ACSM3: variants seen among roughly 807,000 people sequenced by gnomAD.
The protein encoded by ACSM3 is acyl-CoA synthetase medium chain family member 3.
A neutral mutation model predicts 74.1 loss-of-function variants in ACSM3; 61 were observed. The observed-to-expected ratio is 0.82, with a 90% CI of 0.67 to 1.02. The LOEUF (loss-of-function observed/expected upper bound fraction) is 1.02, where lower values mean the gene tolerates loss of function less well. Among genes scored for constraint, ACSM3 ranks in the 50% least tolerant of loss-of-function variants. ACSM3 has a pLI of 0.00. For synonymous variants in ACSM3, 213 were observed against 241.5 expected (o/e 0.88, Z 1.09); for missense variants, 660 against 697.0 (o/e 0.95, Z 0.60).
intron 1 of ACSM3, among the ~76,000 whole-genome samples, chr16:20,747,847 A>G (rs1176218065): frequency 6.6e-6 from 1 of 152,232 alleles, no homozygotes; most frequent in Non-Finnish European, 1.5e-5. Flanking sequence ...TATAGTGTAC[A>G]TGTAAGAGTC....
At chr16:20,693,225 T>C (rs2152342015) in intron 1 of ACSM3, among the ~76,000 whole-genome samples, 1 of 152,172 alleles carries the variant, frequency 6.6e-6, no homozygotes, top group South Asian at 2.1e-4. Flanking sequence ...CACTGCACTT[T>C]CCAATGGACT....
chr16:20,737,048 G>A (rs373748550), intron 1 of ACSM3: 3 of 1,614,106 alleles, frequency 1.9e-6, no homozygotes, highest in Non-Finnish European at 2.5e-6. Context: ...CTGCTGTGTT[G>A]TTTTGGTCTG....
intron 12 of ACSM3, among the ~76,000 whole-genome samples, chr16:20,794,559 ACT>A (rs2080678466): frequency 6.6e-6 from 1 of 152,226 alleles, no homozygotes; most frequent in Non-Finnish European, 1.5e-5. Flanking sequence ...ACAGCCATAG[ACT>A]TTTCTCAGAA....
intron 1 of ACSM3, among the ~76,000 whole-genome samples, chr16:20,722,860 AGT>A (rs71377678): frequency 0.012 from 1,871 of 152,334 alleles, 18 homozygotes; most frequent in South Asian, 0.022. Flanking sequence ...TACAGTCATT[AGT>A]GACAAGTAAT....
At chr16:20,684,752 AAGAG>A (rs1943268669) in intron 1 of ACSM3, among the ~76,000 whole-genome samples, 1 of 152,204 alleles carries the variant, frequency 6.6e-6, no homozygotes, top group Admixed American at 6.5e-5. Context: ...AAGGGAGAGA[AAGAG>A]AGAGGGAGAG....
intron 1 of ACSM3, among the ~76,000 whole-genome samples, chr16:20,765,103 G>T (rs1438366995): frequency 6.6e-6 from 1 of 152,214 alleles, no homozygotes; most frequent in Non-Finnish European, 1.5e-5. Context: ...CAAAGAGCTT[G>T]CATTTCAGAT....
chr16:20,757,507 G>T (rs1274808786), intron 3 of ACSM3, among the ~76,000 whole-genome samples: 1 of 151,484 alleles, frequency 6.6e-6, no homozygotes, highest in Non-Finnish European at 1.5e-5. Context: ...CTTTGCTGAA[G>T]TTGCTTATCA....
At chr16:20,689,020 AT>A (rs2079605273) in intron 1 of ACSM3, among the ~76,000 whole-genome samples, 1 of 148,958 alleles carries the variant, frequency 6.7e-6, no homozygotes, top group African/African-American at 2.4e-5. Flanking sequence ...ATATGTTAAC[AT>A]ATATTTACAA....
intron 2 of ACSM3, among the ~76,000 whole-genome samples, chr16:20,774,109 G>T (rs1447367321): frequency 6.6e-6 from 1 of 152,004 alleles, no homozygotes; most frequent in Non-Finnish European, 1.5e-5. Flanking sequence ...ATTATATAAT[G>T]ACCTTCTTTG....
intron 1 of ACSM3, chr16:20,735,239 C>T (rs921707295): frequency 1.3e-5 from 2 of 152,186 alleles, no homozygotes; most frequent in African/African-American, 4.8e-5. Flanking sequence ...CAAAAGCTGG[C>T]TGTTTTATTG....
chr16:20,741,541 C>G, intron 1 of ACSM3: 1 of 1,347,384 alleles, frequency 7.4e-7, no homozygotes, highest in Non-Finnish European at 9.8e-7. Flanking sequence ...TCGCCGTATT[C>G]GTTGAGGAGG....
chr16:20,731,471 T>G, intron 1 of ACSM3: 1 of 200,998 alleles, frequency 5.0e-6, no homozygotes, highest in South Asian at 1.9e-4. Context: ...CACTTTGTAA[T>G]TGTATCCAAG....
intron 1 of ACSM3, among the ~76,000 whole-genome samples, chr16:20,717,769 T>C (rs983955769): frequency 1.3e-5 from 2 of 151,704 alleles, no homozygotes; most frequent in African/African-American, 4.8e-5. Context: ...TTGAAAGTTA[T>C]CTTGGCTATT....
intron 1 of ACSM3, chr16:20,719,080 A>G (rs1199705694): frequency 6.5e-6 from 1 of 153,108 alleles, no homozygotes; most frequent in Non-Finnish European, 1.5e-5. Flanking sequence ...GTAGAGGTAG[A>G]ATCTGTCAAC....
At chr16:20,739,099 A>G (rs764632135) in intron 1 of ACSM3, 2 of 1,610,846 alleles carry the variant, frequency 1.2e-6, no homozygotes, top group Non-Finnish European at 1.7e-6. Context: ...ATGAGCAGAA[A>G]TGACACAACA....
intron 1 of ACSM3, among the ~76,000 whole-genome samples, chr16:20,713,978 T>C (rs1386913910): frequency 6.6e-6 from 1 of 151,968 alleles, no homozygotes; most frequent in Non-Finnish European, 1.5e-5. Flanking sequence ...ATTCAAGGAG[T>C]TCATTTTAAG....
intron 1 of ACSM3, among the ~76,000 whole-genome samples, chr16:20,676,953 G>A (rs2020319398): frequency 6.6e-6 from 1 of 152,080 alleles, no homozygotes; most frequent in Non-Finnish European, 1.5e-5. Context: ...AGGACATAAA[G>A]TGTCAGAAAA....
intron 1 of ACSM3, among the ~76,000 whole-genome samples, chr16:20,690,317 A>G (rs1300149213): frequency 2.0e-5 from 3 of 152,186 alleles, no homozygotes; most frequent in African/African-American, 7.2e-5. Context: ...TCCATTGTCT[A>G]CCTGACTCCT....
rs267604443 is a variant in ACSM3 at position 20,781,760 on chromosome 16, G to C, written c.992G>C (p.Arg331Pro). 3.9e-5 allele frequency: 63 copies of C among 1,612,444 alleles called. No individual in the cohort carries two copies. The highest frequency in any genetic ancestry group is 4.9e-5 in the Non-Finnish European group (58 of 1,178,712). ...TVFCSAPTVY[R>P]MLVQNDITSY... ...TTCTGTTCAGCACCAACTGTATACC[G>C]AATGCTTGTACAGAATGATATAACC... Residue 331 changes from arginine to proline, a missense_variant, in exon 7 of 14, where the codon CGA (arginine) becomes CCA (proline). Transcript: ENST00000289416.
Sources: allele counts gnomAD v4.1 joint callset (sites outside exome capture counted in the v4.1 genomes callset), GRCh38; gene constraint gnomAD v4.1.1; transcripts MANE v1.5; gene names NCBI Gene and HGNC (gene_info 2026-07-23, HGNC 2026-07-21).